Variants in KDM6B observed in about 807,000 individuals in gnomAD.
KDM6B encodes the protein lysine-specific demethylase 6B.
A neutral mutation model predicts 150.4 loss-of-function variants in KDM6B; 22 were observed. The observed-to-expected ratio is 0.15, with a 90% confidence interval of 0.10 to 0.21. The LOEUF (loss-of-function observed/expected upper bound fraction) is 0.21, where lower values mean the gene tolerates loss of function less well. KDM6B is among the 10% of genes least tolerant of loss of function. KDM6B has a pLI of 1.00. For synonymous variants in KDM6B, 1,148 were observed against 921.1 expected, an observed-to-expected ratio of 1.25 and a Z score of -4.46; for missense variants, 1,984 against 2,234.3, an observed-to-expected ratio of 0.89 and a Z score of 2.26.
chr17:7,847,507 C>G, intron 11 of KDM6B, 39 bp from the exon 12 acceptor site: 1 of 1,612,678 alleles, frequency 6.2e-7, no homozygotes, highest in Non-Finnish European at 8.5e-7. Context: ...CTTGAGGCAG[C>G]CCGAGCAATG....
rs1388040479 is a variant in KDM6B at position 7,849,198 on chromosome 17, C to T, written c.2910C>T (p.Gly970=). The T allele has an allele frequency of 5.0e-6, 8 of 1,602,758 alleles. No individual in the cohort carries two copies. In the East Asian group the frequency reaches 1.6e-4, roughly 32 times the overall value. ...EEAGGVAAVS[G]SCKRRQKEHQ... ...CTGGCGGGGTGGCGGCAGTGTCAGG[C>T]AGCTGTAAGCGGCGACAGAAGGAGC... The change falls in exon 12 of 24, where the codon GGC becomes GGT. Residue 970 remains glycine (G), a synonymous_variant. Coordinates refer to ENST00000448097, the MANE Select transcript of KDM6B (RefSeq NM_001348716.2).
At position 7,848,306 on chromosome 17, in the gene KDM6B, T is replaced by A. The variant is rs201959305; in HGVS notation, c.2018T>A (p.Phe673Tyr). The change falls in exon 12 of 24, where the codon TTT becomes TAT. Residue 673 changes from phenylalanine (F) to tyrosine (Y), a missense_variant. Physicochemically the swap from Phe to Tyr is conservative, Grantham distance 22. Around this residue, in one of 13 missense-constraint regions of KDM6B, gnomAD observed 1,379 missense variants for 1,275.6 expected, o/e 1.08. Transcript: ENST00000448097. ...GCCCGAGGCCCTCGACTCTTTGATT[T>A]TCCCCCCACTCCGCTGGAGGACCAG... ...LPARGPRLFD[F>Y]PPTPLEDQFE... 1.2e-6 allele frequency: 2 copies of A among 1,612,468 alleles called. No homozygotes were observed. The highest frequency in any genetic ancestry group is 4.5e-5 in the East Asian group (2 of 44,820).
In KDM6B at chr17:7,848,609, C is replaced by T. The variant is rs749928168; in HGVS notation, c.2321C>T (p.Ala774Val). Residue 774 changes from alanine to valine, a missense_variant, in exon 12 of 24, where the codon GCC becomes GTC. Transcript: ENST00000448097. The part of the protein sequence containing the change: ...TQEEEKKPPP[A>V]LPPPPPLAKF... ...GAAGAGGAGAAGAAGCCACCACCAG[C>T]CCTACCACCACCACCGCCTCTAGCC... 4 of 1,597,028 alleles carry T rather than the reference C, an allele frequency of 2.5e-6. No homozygotes were observed. Among genetic ancestry groups the T allele is most frequent in the African/African-American group, 2.7e-5 (2 of 74,452 alleles).
chr17:7,846,721 G>A lies in KDM6B; in HGVS notation c.692G>A (p.Arg231Lys). 1 of 1,614,126 alleles carries A rather than the reference G, an allele frequency of 6.2e-7. No individual in the cohort carries two copies. The highest frequency in any genetic ancestry group is 1.1e-5 in the South Asian group (1 of 91,090). The change falls in exon 9 of 24, where the codon AGA (arginine) becomes AAA (lysine). Residue 231 changes from arginine (R) to lysine (K), a missense_variant. Arg to Lys is a conservative substitution (Grantham distance 26). Around this residue, in one of 13 missense-constraint regions of KDM6B, gnomAD observed 337 missense variants for 323.9 expected, o/e 1.04. Coordinates refer to ENST00000448097, the MANE Select transcript of KDM6B (RefSeq NM_001348716.2). ...EGLSPGGKRR[R>K]GCNSEQTGLP... ...CTCAGCCCTGGAGGCAAGCGAAGGA[G>A]AGGCTGCAACTCTGAACAGGTGTGG...
chr17:7,846,004 G>A (rs1377754892), intron 6 of KDM6B, 34 bp downstream of exon 6: 20 of 1,606,210 alleles, frequency 1.2e-5, no homozygotes, highest in Non-Finnish European at 1.7e-5. Context: ...GGGAGTGGGA[G>A]GTAAGGCTGG....
intron 11 of KDM6B, 24 bp from the exon 12 acceptor site, chr17:7,847,522 T>C (rs1567793094): frequency 1.2e-6 from 2 of 1,611,522 alleles, no homozygotes; most frequent in African/African-American, 2.7e-5. Flanking sequence ...GCAATGCTCC[T>C]ACCACCTGCT....
In KDM6B at chr17:7,853,490, C is replaced by G. The variant is rs1031432600; in HGVS notation, c.4909-8C>G. On this transcript the variant is annotated splice_region_variant and splice_polypyrimidine_tract_variant and intron_variant, in intron 23 of 23. Coordinates refer to ENST00000448097, the MANE Select transcript of KDM6B (RefSeq NM_001348716.2). ...TTCCCTGAGCCCCCGCCGGCTTTCT[C>G]CCCCCAGGCCCCAGCCAGCACGTCG... 2 of 1,501,100 alleles carry G rather than the reference C, an allele frequency of 1.3e-6. No homozygotes were observed. Among genetic ancestry groups the G allele is most frequent in the Non-Finnish European group, 1.8e-6 (2 of 1,132,584 alleles). The allele number at this position is 1,501,100 out of a possible 1,614,324, so 93.0% of individuals were successfully genotyped here.
rs765463905 is a variant in KDM6B, at chr17:7,846,897, C to CCACCAA, written c.791_792insACCAAC (p.Pro264_Leu265insProThr). ...ACCACCACCACCACCACCACCACCA[C>CCACCAA]CCCTGCCTGGCCTGGCTACCAGCCC... On this transcript the variant is annotated inframe_insertion, in exon 10 of 24. Coordinates refer to ENST00000448097, the MANE Select transcript of KDM6B (RefSeq NM_001348716.2). The CCACCAA allele has an allele frequency of 6.3e-7, 1 of 1,590,680 alleles. No homozygotes were observed. The highest frequency in any genetic ancestry group is 1.7e-5 in the Admixed American group (1 of 58,686).
chr17:7,850,957 G>C (rs990224137), intron 14 of KDM6B, 64 bp from the exon 15 acceptor site: 2 of 1,418,172 alleles, frequency 1.4e-6, no homozygotes. Flanking sequence ...GGAAAGGGTC[G>C]ATTGGGTCCT....
chr17:7,851,257 C>T (rs1454201420), intron 15 of KDM6B, 31 bp downstream of exon 15: 2 of 1,613,618 alleles, frequency 1.2e-6, no homozygotes, highest in African/African-American at 1.3e-5. Flanking sequence ...GAGGCAGGTC[C>T]TGGGACGGGG....
Position 7,843,221 on chromosome 17 carries a change from C to T in KDM6B, c.-268-1680C>T, listed in dbSNP as rs1043269107. On this transcript the variant is annotated intron_variant, in intron 2 of 23. Coordinates refer to ENST00000448097, the MANE Select transcript of KDM6B (RefSeq NM_001348716.2). The surrounding 1 kb of genome is among the most constrained non-coding windows in gnomAD (Gnocchi z 4.5). Reference sequence around the variant, plus strand: ...ATCTGCCCCTCTGTTGTCTGGTTCCCCGGCTCCCCCTCCACGTCTGGTTCT... The same window carrying T: ...ATCTGCCCCTCTGTTGTCTGGTTCCTCGGCTCCCCCTCCACGTCTGGTTCT... 1.3e-5 allele frequency among the ~76,000 whole-genome samples: 2 copies of T among 152,148 alleles called. No individual in the cohort carries two copies. Among genetic ancestry groups the T allele is most frequent in the African/African-American group, 4.8e-5 (2 of 41,418 alleles).
At chr17:7,851,612 C>T (rs751831645) in intron 17 of KDM6B, 36 bp from the exon 18 acceptor site, 1 of 1,603,388 alleles carries the variant, frequency 6.2e-7, no homozygotes. Context: ...GTGGCGGGGG[C>T]GGGGTGTAGC....
intron 1 of KDM6B, among the ~76,000 whole-genome samples, chr17:7,837,161 A>T (rs1340992965): frequency 1.3e-5 from 2 of 152,158 alleles, no homozygotes; most frequent in Non-Finnish European, 2.9e-5. Flanking sequence ...CTCCGCCCCC[A>T]TAGAAAAAGC....
intron 1 of KDM6B, among the ~76,000 whole-genome samples, chr17:7,839,158 C>T (rs1180893487): frequency 6.6e-6 from 1 of 152,188 alleles, no homozygotes; most frequent in Non-Finnish European, 1.5e-5. Context: ...CCCTGATGGA[C>T]ACCTGATTCT....
rs143736118 is a variant in KDM6B, at chr17:7,847,263, C to A, written c.1068C>A (p.Pro356=). 6 of 1,604,082 alleles carry A rather than the reference C, an allele frequency of 3.7e-6. No homozygotes were observed. The highest frequency in any genetic ancestry group is 1.6e-4 in the Middle Eastern group (1 of 6,062). Residue 356 remains proline (P), a synonymous_variant, in exon 11 of 24, where the codon CCC becomes CCA. Transcript: ENST00000448097. The part of the protein sequence containing the change: ...SHGCLPATRP[P]GSDLRESRVQ... ...GCTGCCTGCCTGCCACCCGTCCCCCCGGAAGTGACCTTAGAGAGAGCAGAG... is the reference window on the plus strand; with the variant it reads ...GCTGCCTGCCTGCCACCCGTCCCCCAGGAAGTGACCTTAGAGAGAGCAGAG...
rs778088556 is a variant in KDM6B, at chr17:7,848,809, C to A, written c.2521C>A (p.Pro841Thr). ...PLPTTQYSPG[P>T]PSGATALPPT... ...GCCCACCACTCAGTATTCCCCTGGC[C>A]CCCCATCAGGTGCTACCGCCCTGCC... is the stretch of plus-strand genomic sequence containing the variant. The change falls in exon 12 of 24, where the codon CCC becomes ACC. Residue 841 changes from proline to threonine, a missense_variant. Coordinates refer to ENST00000448097, the MANE Select transcript of KDM6B (RefSeq NM_001348716.2). 2 of 1,612,664 alleles carry A rather than the reference C, an allele frequency of 1.2e-6. No homozygotes were observed. The highest frequency in any genetic ancestry group is 2.7e-5 in the African/African-American group (2 of 74,940).
chr17:7,851,880 C>A (rs1056286204), intron 18 of KDM6B, 71 bp from the exon 19 acceptor site: 37 of 1,588,546 alleles, frequency 2.3e-5, no homozygotes, highest in Non-Finnish European at 3.2e-5. Context: ...CCAATGAGGG[C>A]AGAGGGCGGG....
chr17:7,845,804 C>T (rs1422364157), intron 5 of KDM6B, 68 bp from the exon 6 acceptor site: 62 of 1,583,510 alleles, frequency 3.9e-5, no homozygotes, highest in Non-Finnish European at 4.9e-5. Flanking sequence ...GTGCATCAGC[C>T]CCCTCCTGCC....
chr17:7,851,850 C>T (rs1597856759), intron 18 of KDM6B, 54 bp downstream of exon 18: 5 of 1,565,062 alleles, frequency 3.2e-6, no homozygotes, highest in African/African-American at 1.4e-5. Context: ...GAGGGGCTGG[C>T]GGCGGCGCTC....
Sources: allele counts gnomAD v4.1 joint callset (sites outside exome capture counted in the v4.1 genomes callset), GRCh38; gene constraint gnomAD v4.1.1; regional missense constraint gnomAD v4.1.1; non-coding constraint Gnocchi (gnomAD v3.1); transcripts MANE v1.5; gene names NCBI Gene and HGNC (gene_info 2026-07-23, HGNC 2026-07-21).